Variants in RBFOX1 observed in about 807,000 individuals in gnomAD.
RBFOX1 encodes the protein RNA binding protein fox-1 homolog 1.
A neutral mutation model predicts 57.7 loss-of-function variants in RBFOX1; 8 were observed. That is an observed-to-expected ratio of 0.14 (90% confidence interval 0.08 to 0.25). The LOEUF (loss-of-function observed/expected upper bound fraction) is 0.25, where lower values mean the gene tolerates loss of function less well. Among genes scored for constraint, RBFOX1 ranks in the 10% least tolerant of loss-of-function variants. The pLI is 1.00. For missense variants in RBFOX1, 611 were observed against 548.5 expected, an observed-to-expected ratio of 1.11 and a Z score of -1.14; for synonymous variants, 326 against 222.4, an observed-to-expected ratio of 1.47 and a Z score of -4.15.
chr16:7,068,165 T>C (rs1397447016), intron 4 of RBFOX1, among the ~76,000 whole-genome samples: 2 of 152,046 alleles, frequency 1.3e-5, no homozygotes, highest in African/African-American at 4.8e-5. Flanking sequence ...GATCCGTAAT[T>C]ATAATTCCAT....
chr16:6,967,210 CTCCA>C (rs1320025992), intron 3 of RBFOX1, among the ~76,000 whole-genome samples: 1 of 152,094 alleles, frequency 6.6e-6, no homozygotes. Context: ...TGATCCATCT[CTCCA>C]TCCATCATCC....
intron 3 of RBFOX1, among the ~76,000 whole-genome samples, chr16:6,868,480 T>TG (rs1290130178): frequency 7.0e-6 from 1 of 142,004 alleles, no homozygotes; most frequent in Non-Finnish European, 1.6e-5. Context: ...TATTGGTTTA[T>TG]GATTTTTTTT....
In RBFOX1 at chr16:6,803,358, C is replaced by T. The variant is rs376297323; in HGVS notation, c.-16+148708C>T. On this transcript the variant is annotated intron_variant, in intron 3 of 15. Transcript: ENST00000550418. The stretch of plus-strand genomic sequence containing the variant: ...CTACAGCAGAAGTGTTGCCTCCAGC[C>T]GTACAGAGAAGAACAATCTGCAGGC... Among the ~76,000 whole-genome samples the T allele has an allele frequency of 5.3e-5, 8 of 152,220 alleles. No homozygotes were observed. In the East Asian group the frequency reaches 1.2e-3, roughly 22 times the overall value.
At chr16:5,673,212 A>C (rs2050067242) in intron 3 of RBFOX1, among the ~76,000 whole-genome samples, 1 of 152,082 alleles carries the variant, frequency 6.6e-6, no homozygotes, top group Non-Finnish European at 1.5e-5. Context: ...TCATTATTCA[A>C]GTAGAAGTCA....
At chr16:6,015,323 A>G (rs568128407), upstream of RBFOX1, among the ~76,000 whole-genome samples, 1 of 152,314 alleles carries the variant, frequency 6.6e-6, no homozygotes, top group South Asian at 2.1e-4. Flanking sequence ...ACCTTCTGGA[A>G]AAGTTATTAA....
chr16:5,686,800 G>T (rs1476622177), intron 3 of RBFOX1, among the ~76,000 whole-genome samples: 1 of 149,776 alleles, frequency 6.7e-6, no homozygotes, highest in Non-Finnish European at 1.5e-5. Flanking sequence ...CTATCAATTA[G>T]TCAGCAAAAC....
rs192134659 is a variant in RBFOX1, at chr16:6,745,662, A to C, written c.-16+91012A>C. On this transcript the variant is annotated intron_variant, in intron 3 of 15. Transcript: ENST00000550418. ...TAAATTGGTCAATATGATAAAAGGC[A>C]TCTATGGAAAATGTATAGCTAATAT... Among the ~76,000 whole-genome samples, 150 of 152,360 alleles carry C rather than the reference A, an allele frequency of 9.8e-4. 1 individual carries two copies. The highest frequency in any genetic ancestry group is 3.5e-3 in the African/African-American group (145 of 41,592).
intron 2 of RBFOX1, among the ~76,000 whole-genome samples, chr16:6,561,600 T>C: frequency 6.6e-6 from 1 of 152,214 alleles, no homozygotes; most frequent in Middle Eastern, 3.2e-3. Context: ...AAACCAATTT[T>C]AGGAGGAAAA....
chr16:5,820,650 C>G lies in RBFOX1; in HGVS notation c.319-46653C>G, dbSNP rs149431566. On this transcript the variant is annotated intron_variant, in intron 3 of 19. Coordinates refer to the RBFOX1 transcript ENST00000641259. ...AAGGAACGTTTTCCCCATGAATCAG[C>G]TCTGAAATCATTCCTCTGAAGTGCG... 1.1e-3 allele frequency among the ~76,000 whole-genome samples: 174 copies of G among 152,292 alleles called. 1 individual carries two copies. Among genetic ancestry groups the G allele is most frequent in the African/African-American group, 4.0e-3 (166 of 41,568 alleles).
At chr16:6,685,460 C>G (rs10459827) in intron 3 of RBFOX1, among the ~76,000 whole-genome samples, 81,629 of 128,064 alleles carry the variant, frequency 0.64, 24,013 homozygotes, top group South Asian at 0.7. Flanking sequence ...TTTTTTTTTT[C>G]TATTTTTAGT....
chr16:7,043,373 C>A (rs1000107497), intron 3 of RBFOX1, among the ~76,000 whole-genome samples: 1 of 152,096 alleles, frequency 6.6e-6, no homozygotes, highest in Non-Finnish European at 1.5e-5. Flanking sequence ...AGATACACAC[C>A]CCCTTTCATT....
chr16:5,269,384 A>G (rs1411179988), intron 1 of RBFOX1, among the ~76,000 whole-genome samples: 1 of 152,250 alleles, frequency 6.6e-6, no homozygotes, highest in African/African-American at 2.4e-5. Context: ...CATATTCAAA[A>G]ATGAAAGCAC....
At chr16:5,259,189 CT>C (rs79187730) in intron 1 of RBFOX1, among the ~76,000 whole-genome samples, 20,260 of 145,440 alleles carry the variant, frequency 0.14, 1,595 homozygotes, top group East Asian at 0.33. Flanking sequence ...CTTTTAGTGC[CT>C]TTTTTTTTTT....
chr16:7,471,961 AG>A, intron 4 of RBFOX1, among the ~76,000 whole-genome samples: 1 of 152,316 alleles, frequency 6.6e-6, no homozygotes, highest in African/African-American at 2.4e-5. Context: ...CTGACAAAAA[AG>A]GTGCTTGGGA....
At chr16:6,986,187 T>TATTTATTTATTC in intron 3 of RBFOX1, among the ~76,000 whole-genome samples, 1 of 144,200 alleles carries the variant, frequency 6.9e-6, no homozygotes, top group Admixed American at 6.9e-5. Context: ...TTTCTATTTT[T>TATTTATTTATTC]ATTTATTTAT....
intron 2 of RBFOX1, among the ~76,000 whole-genome samples, chr16:6,318,588 G>C (rs896387305): frequency 2.6e-5 from 4 of 152,044 alleles, no homozygotes; most frequent in Non-Finnish European, 4.4e-5. Flanking sequence ...GATTGAAATT[G>C]CTGCTTCTCT....
At chr16:7,199,817 C>T (rs544209551) in intron 4 of RBFOX1, among the ~76,000 whole-genome samples, 1 of 152,256 alleles carries the variant, frequency 6.6e-6, no homozygotes, top group African/African-American at 2.4e-5. Context: ...ATTGCTTGAA[C>T]CCAGGAGGTG....
At chr16:5,542,465 A>G (rs1455789165) in intron 2 of RBFOX1, among the ~76,000 whole-genome samples, 2 of 149,736 alleles carry the variant, frequency 1.3e-5, no homozygotes, top group South Asian at 2.1e-4. Context: ...CACCATATTG[A>G]CTAGGCTGGT....
At chr16:6,831,545 C>T (rs12926834) in intron 3 of RBFOX1, among the ~76,000 whole-genome samples, 21,082 of 152,194 alleles carry the variant, frequency 0.14, 1,615 homozygotes, top group Non-Finnish European at 0.17. Flanking sequence ...CTGAACATTA[C>T]ATCTAAAGAT....
Sources: gnomAD v4.1 joint callset for allele counts (sites outside exome capture counted in the v4.1 genomes callset) on GRCh38, gnomAD v4.1.1 for gene constraint, MANE v1.5 for transcripts, NCBI Gene and HGNC (gene_info 2026-07-23, HGNC 2026-07-21) for gene names.